ZEB1: variants seen among roughly 807,000 people sequenced by gnomAD.
ZEB1 encodes zinc finger E-box-binding homeobox 1.
ZEB1 carries 21 observed loss-of-function variants against 84.9 expected under a neutral mutation model. The ratio of observed to expected loss-of-function variants is 0.25; its 90% confidence interval spans 0.18 to 0.36. The LOEUF is 0.36. Among genes scored for constraint, ZEB1 ranks in the 10% least tolerant of loss-of-function variants. The pLI, the probability that ZEB1 is intolerant of heterozygous loss-of-function variation, is 1.00. For synonymous variants in ZEB1, 420 were observed against 471.1 expected, an observed-to-expected ratio of 0.89 and a Z score of 1.41; for missense variants, 1,104 against 1,330.2, an observed-to-expected ratio of 0.83 and a Z score of 2.65.
intron 2 of ZEB1, among the ~76,000 whole-genome samples, chr10:31,488,913 G>T (rs1407133552): frequency 6.6e-6 from 1 of 151,030 alleles, no homozygotes; most frequent in Non-Finnish European, 1.5e-5. Flanking sequence ...TGAATATTTT[G>T]TGTACATTTG....
chr10:31,323,133 T>C (rs1589927524), intron 1 of ZEB1, among the ~76,000 whole-genome samples: 1 of 152,178 alleles, frequency 6.6e-6, no homozygotes, highest in East Asian at 1.9e-4. Flanking sequence ...CATTCTTGTT[T>C]TAGAGCAGTT....
chr10:31,474,337 C>G (rs891496959), intron 2 of ZEB1, among the ~76,000 whole-genome samples: 2 of 151,594 alleles, frequency 1.3e-5, no homozygotes, highest in Non-Finnish European at 2.9e-5. Flanking sequence ...TATCCAGAAT[C>G]TACAATGAAC....
intron 1 of ZEB1, among the ~76,000 whole-genome samples, chr10:31,416,204 T>C (rs2135930286): frequency 6.6e-6 from 1 of 152,192 alleles, no homozygotes; most frequent in East Asian, 1.9e-4. Context: ...GTGTTCTTGA[T>C]TATGATTTAA....
chr10:31,379,419 CTCTG>C (rs201527567), intron 1 of ZEB1, among the ~76,000 whole-genome samples: 4,892 of 151,756 alleles, frequency 0.032, 237 homozygotes, highest in African/African-American at 0.11. Flanking sequence ...CTTTTTCTGT[CTCTG>C]TCTGTCTGTC....
At chr10:31,383,257 T>G (rs191970661) in intron 1 of ZEB1, among the ~76,000 whole-genome samples, 2 of 152,294 alleles carry the variant, frequency 1.3e-5, no homozygotes, top group East Asian at 3.9e-4. Context: ...TGTAGCCATT[T>G]GGCACATGTG....
At chr10:31,415,531 A>AT (rs1176653001) in intron 1 of ZEB1, among the ~76,000 whole-genome samples, 1 of 151,218 alleles carries the variant, frequency 6.6e-6, no homozygotes, top group East Asian at 1.9e-4. Context: ...AAAAATTATA[A>AT]TTTAAAAAAA....
intron 1 of ZEB1, among the ~76,000 whole-genome samples, chr10:31,323,999 A>G (rs1029592970): frequency 3.4e-5 from 5 of 148,422 alleles, no homozygotes; most frequent in Non-Finnish European, 7.5e-5. Flanking sequence ...GTGTGTGTAA[A>G]TAGTTTTTCA....
intron 1 of ZEB1, among the ~76,000 whole-genome samples, chr10:31,441,212 T>C (rs1480830458): frequency 6.6e-6 from 1 of 152,070 alleles, no homozygotes; most frequent in African/African-American, 2.4e-5. Flanking sequence ...AACAGAGATA[T>C]AGACCAATGG....
At chr10:31,336,827 C>G (rs1159185544) in intron 1 of ZEB1, among the ~76,000 whole-genome samples, 1 of 152,134 alleles carries the variant, frequency 6.6e-6, no homozygotes, top group African/African-American at 2.4e-5. Flanking sequence ...CCAGCTAATA[C>G]TGCTGTTGGT....
Position 31,527,582 on chromosome 10 carries a change from G to T in ZEB1, c.*318G>T. ...GACTCAGAGAGCAACAATACAAGAG[G>T]TTAAAGGAAGCTGATTAATTAGATA... On this transcript the variant is annotated 3_prime_UTR_variant, in exon 9 of 9. Transcript: ENST00000424869. 2 of 312,484 alleles carry T rather than the reference G, an allele frequency of 6.4e-6. No homozygotes were observed. Among genetic ancestry groups the T allele is most frequent in the Non-Finnish European group, 6.0e-6 (1 of 168,020 alleles). The allele number at this position is 312,484 out of a possible 1,614,324, so 19.4% of individuals were successfully genotyped here.
rs1481033902 is a variant in ZEB1, at chr10:31,445,077, C to G, written c.59-15960C>G. ...GAATGTTCTTCCATTTGTTTGTATCCTCTTTTATTTCCTTGACCAGTGGTT... is the reference window on the plus strand; with the variant it reads ...GAATGTTCTTCCATTTGTTTGTATCGTCTTTTATTTCCTTGACCAGTGGTT... On this transcript the variant is annotated intron_variant, in intron 1 of 8. Coordinates refer to ENST00000424869, the MANE Select transcript of ZEB1 (RefSeq NM_001174096.2). Among the ~76,000 whole-genome samples, 7 of 142,078 alleles carry G rather than the reference C, an allele frequency of 4.9e-5. No homozygotes were observed. The East Asian group carries it at 1.2e-3, about 24-fold the overall frequency. 93.2% of individuals were successfully genotyped at this position (142,078 alleles called of 152,430 possible).
intron 1 of ZEB1, among the ~76,000 whole-genome samples, chr10:31,443,040 G>C (rs1248824637): frequency 6.6e-6 from 1 of 152,222 alleles, no homozygotes; most frequent in Non-Finnish European, 1.5e-5. Flanking sequence ...AGCCAGCATA[G>C]AGATTTTGAA....
At chr10:31,339,659 A>C (rs1261386156) in intron 1 of ZEB1, among the ~76,000 whole-genome samples, 1 of 151,878 alleles carries the variant, frequency 6.6e-6, no homozygotes, top group Non-Finnish European at 1.5e-5. Context: ...AATCTCAGCT[A>C]CTCAGGAGGC....
intron 5 of ZEB1, 102 bp downstream of exon 5, chr10:31,510,977 A>G: frequency 9.1e-7 from 1 of 1,096,276 alleles, no homozygotes; most frequent in Non-Finnish European, 1.4e-6. Flanking sequence ...AAAAGAATGT[A>G]CTAAACAGTG....
intron 1 of ZEB1, among the ~76,000 whole-genome samples, chr10:31,454,605 A>G (rs1390482285): frequency 6.6e-6 from 1 of 152,206 alleles, no homozygotes; most frequent in African/African-American, 2.4e-5. Flanking sequence ...AAAAATCACA[A>G]GCATTCCTAT....
chr10:31,486,724 T>G (rs1204071664), intron 2 of ZEB1, among the ~76,000 whole-genome samples: 1 of 151,604 alleles, frequency 6.6e-6, no homozygotes, highest in African/African-American at 2.4e-5. Flanking sequence ...TAAAGACTAC[T>G]GTAGCTTGTC....
upstream of ZEB1, chr10:31,319,146 G>GGGGGGAGGGGTGGA (rs2032920470): frequency 8.1e-6 from 7 of 859,576 alleles, no homozygotes; most frequent in Non-Finnish European, 1.3e-5. Flanking sequence ...GCGGTGGGGA[G>GGGGGGAGGGGTGGA]GGGGGAGGGG....
At chr10:31,319,462 TGCCGGAGCC>T in intron 1 of ZEB1, 170 bp downstream of exon 1, 2 of 655,530 alleles carry the variant, frequency 3.1e-6, no homozygotes, top group Non-Finnish European at 5.2e-6. Flanking sequence ...CTGCCGCCGC[TGCCGGAGCC>T]GCGCCGCGGC....
rs1369285606 is a variant in ZEB1 at position 31,429,746 on chromosome 10, T to A, written c.59-31291T>A. 1.6e-3 allele frequency among the ~76,000 whole-genome samples: 220 copies of A among 140,510 alleles called. 3 individuals are homozygous for A. The highest frequency in any genetic ancestry group is 0.011 in the Middle Eastern group (3 of 284). The allele number at this position is 140,510 out of a possible 152,430, so 92.2% of individuals were successfully genotyped here. A position where few individuals can be genotyped will look rare whatever the true frequency, so the allele number is the denominator to read the frequency against. ...TTACAGGCAGAACTTTTTTTTTTTT[T>A]TTTTTTTTTTTTTTGAGACGAAGTC... On this transcript the variant is annotated intron_variant, in intron 1 of 8. Coordinates refer to ENST00000424869, the MANE Select transcript of ZEB1 (RefSeq NM_001174096.2).
Sources: allele counts gnomAD v4.1 joint callset (sites outside exome capture counted in the v4.1 genomes callset), GRCh38; gene constraint gnomAD v4.1.1; transcripts MANE v1.5; gene names NCBI Gene and HGNC (gene_info 2026-07-23, HGNC 2026-07-21).